TMEM51: variants seen among roughly 807,000 people sequenced by gnomAD.
TMEM51 encodes the protein chromosome 1 open reading frame 72.
TMEM51 carries 8 observed loss-of-function variants against 13.6 expected under a neutral mutation model. The observed-to-expected ratio is 0.59, with a 90% CI of 0.35 to 1.07. The LOEUF (loss-of-function observed/expected upper bound fraction) is 1.07, where lower values mean the gene tolerates loss of function less well. TMEM51 is among the 50% of genes least tolerant of loss of function. The pLI, the probability that TMEM51 is intolerant of heterozygous loss-of-function variation, is 0.02. For missense variants in TMEM51, 279 were observed against 330.7 expected, an observed-to-expected ratio of 0.84 and a Z score of 1.21; for synonymous variants, 147 against 144.4, an observed-to-expected ratio of 1.02 and a Z score of -0.13.
rs562352848 is a variant in TMEM51, at chr1:15,191,878, G to A, written c.-266-18612G>A. 105 of 522,154 alleles carry A rather than the reference G, an allele frequency of 2.0e-4. 2 individuals carry two copies. Among genetic ancestry groups the A allele is most frequent in the African/African-American group, 1.8e-3 (90 of 51,220 alleles). The allele number at this position is 522,154 out of a possible 1,614,324, so 32.3% of individuals were successfully genotyped here. On this transcript the variant is annotated intron_variant, in intron 1 of 3. Coordinates refer to ENST00000376008, the MANE Select transcript of TMEM51 (RefSeq NM_001136218.2). ...CAGAAAGCTACAGTAATTGACTTACGTGACCATTTCTCTTTTAGCACGTTG... is the reference window on the plus strand; with the variant it reads ...CAGAAAGCTACAGTAATTGACTTACATGACCATTTCTCTTTTAGCACGTTG...
chr1:15,183,479 TC>T (rs1643681172), intron 1 of TMEM51, among the ~76,000 whole-genome samples: 1 of 152,226 alleles, frequency 6.6e-6, no homozygotes, highest in Non-Finnish European at 1.5e-5. Flanking sequence ...AGGGAGATTA[TC>T]GTACATGGTA....
intron 1 of TMEM51, among the ~76,000 whole-genome samples, chr1:15,203,517 T>C (rs1163588341): frequency 1.3e-5 from 2 of 152,118 alleles, no homozygotes; most frequent in Non-Finnish European, 2.9e-5. Context: ...CGCATCGGCT[T>C]CCCAAGGTGT....
chr1:15,171,112 G>A, intron 1 of TMEM51: 9 of 404,828 alleles, frequency 2.2e-5, no homozygotes, highest in East Asian at 1.2e-4. Context: ...TCCACCCCCC[G>A]CCACATCCCC....
Position 15,219,879 on chromosome 1 carries a change from G to C in TMEM51, c.*136G>C, listed in dbSNP as rs575891841. ...GAGCCATTTGGATGGCGGCGGGCGG[G>C]GGGGGATTCTCTGTATCAGGAGTGA... On this transcript the variant is annotated 3_prime_UTR_variant, in exon 4 of 4. Transcript: ENST00000376008. 1.0e-4 allele frequency: 102 copies of C among 978,232 alleles called. No homozygotes were observed. In the African/African-American group the frequency reaches 1.3e-3, roughly 13 times the overall value. 60.6% of individuals were successfully genotyped at this position (978,232 alleles called of 1,614,324 possible).
intron 1 of TMEM51, among the ~76,000 whole-genome samples, chr1:15,199,879 A>C (rs1338805582): frequency 6.6e-6 from 1 of 152,108 alleles, no homozygotes. Flanking sequence ...TTCTCTGCGA[A>C]GTGGGGACCG....
intron 1 of TMEM51, among the ~76,000 whole-genome samples, chr1:15,157,535 A>C (rs1461128167): frequency 6.6e-6 from 1 of 152,064 alleles, no homozygotes; most frequent in Non-Finnish European, 1.5e-5. Flanking sequence ...ATTCTTGAAA[A>C]ACAAAACAGG....
intron 1 of TMEM51, among the ~76,000 whole-genome samples, chr1:15,196,535 C>T (rs1397371509): frequency 6.6e-6 from 1 of 152,084 alleles, no homozygotes; most frequent in Non-Finnish European, 1.5e-5. Context: ...GCACACACAG[C>T]AAGAGACAGG....
chr1:15,218,541 G>A (rs190259375), intron 3 of TMEM51, among the ~76,000 whole-genome samples: 6 of 152,248 alleles, frequency 3.9e-5, no homozygotes, highest in African/African-American at 1.4e-4. Flanking sequence ...TATAAATTGG[G>A]TATTATAATA....
At chr1:15,200,431 A>AAAAAAAG (rs1491142333) in intron 1 of TMEM51, among the ~76,000 whole-genome samples, 5 of 125,346 alleles carry the variant, frequency 4.0e-5, no homozygotes, top group East Asian at 2.1e-4. Context: ...AAAAAAAAAA[A>AAAAAAAG]AGAGAGAGAT....
chr1:15,195,125 G>A (rs1299091147), intron 1 of TMEM51, among the ~76,000 whole-genome samples: 1 of 151,522 alleles, frequency 6.6e-6, no homozygotes, highest in East Asian at 1.9e-4. Flanking sequence ...TAGAGATGGG[G>A]TTTCGTCATG....
intron 1 of TMEM51, among the ~76,000 whole-genome samples, chr1:15,204,325 G>A (rs568206905): frequency 8.5e-5 from 13 of 152,276 alleles, no homozygotes; most frequent in African/African-American, 1.2e-4. Flanking sequence ...AGGCCGAGGC[G>A]GACGGATCAC....
At position 15,196,480 on chromosome 1, in the gene TMEM51, G is replaced by GA. The variant is rs199735063; in HGVS notation, c.-266-14009dup. Among the ~76,000 whole-genome samples the GA allele has an allele frequency of 4.5e-3, 680 of 152,274 alleles. 9 individuals carry two copies. The highest frequency in any genetic ancestry group is 4.4e-3 in the Non-Finnish European group (299 of 68,040). ...AGCTAGTTTACCAGCATACCACTGT[G>GA]AGGGAGTATGTGGAGACTTTGTTTT... On this transcript the variant is annotated intron_variant, in intron 1 of 3. Transcript: ENST00000376008.
intron 1 of TMEM51, among the ~76,000 whole-genome samples, chr1:15,196,776 T>TGCA (rs1420928932): frequency 6.6e-6 from 1 of 152,248 alleles, no homozygotes; most frequent in African/African-American, 2.4e-5. Flanking sequence ...AACAAGTATG[T>TGCA]GCATTAAACA....
Position 15,192,824 on chromosome 1 carries a change from G to T in TMEM51, c.-266-17666G>T, listed in dbSNP as rs149243623. The T allele has an allele frequency of 4.3e-3, 730 of 170,774 alleles. 7 individuals carry two copies. Among genetic ancestry groups the T allele is most frequent in the African/African-American group, 0.016 (671 of 42,012 alleles). 10.6% of individuals were successfully genotyped at this position (170,774 alleles called of 1,614,324 possible). On this transcript the variant is annotated intron_variant, in intron 1 of 3. Coordinates refer to ENST00000376008, the MANE Select transcript of TMEM51 (RefSeq NM_001136218.2). ...CCTGCAGTCTATTCCATTTCTTACTGAATTCAACGGATTTCTGCCATCTCT... is the reference window on the plus strand; with the variant it reads ...CCTGCAGTCTATTCCATTTCTTACTTAATTCAACGGATTTCTGCCATCTCT...
intron 1 of TMEM51, among the ~76,000 whole-genome samples, chr1:15,158,094 G>A (rs961614202): frequency 2.0e-5 from 3 of 152,092 alleles, no homozygotes. Context: ...TGCCCAGCCC[G>A]TATCCTGGTT....
chr1:15,164,282 TG>T (rs1406444599), intron 1 of TMEM51: 1 of 441,790 alleles, frequency 2.3e-6, no homozygotes, highest in Non-Finnish European at 4.6e-6. Flanking sequence ...ACATTGCATT[TG>T]GTCATCTTGT....
intron 1 of TMEM51, chr1:15,168,776 G>A (rs1451958098): frequency 2.3e-6 from 3 of 1,301,210 alleles, no homozygotes; most frequent in Non-Finnish European, 3.0e-6. Context: ...GAGGGCTTCA[G>A]GCTGAAAAAT....
At chr1:15,189,213 C>CTTTTTTTTTTTT (rs59346950) in intron 1 of TMEM51, among the ~76,000 whole-genome samples, 34 of 92,850 alleles carry the variant, frequency 3.7e-4, no homozygotes, top group African/African-American at 1.2e-3. Context: ...CTAATTTTTC[C>CTTTTTTTTTTTT]TTTTTTTTTT....
intron 1 of TMEM51, among the ~76,000 whole-genome samples, 181 bp downstream of exon 1, chr1:15,154,135 C>T (rs1395883628): frequency 6.6e-6 from 1 of 152,078 alleles, no homozygotes; most frequent in Non-Finnish European, 1.5e-5. Flanking sequence ...CCTCTGCGGC[C>T]GCGCCCCGCC....
Sources: allele counts gnomAD v4.1 joint callset (sites outside exome capture counted in the v4.1 genomes callset), GRCh38; gene constraint gnomAD v4.1.1; transcripts MANE v1.5; gene names NCBI Gene and HGNC (gene_info 2026-07-23, HGNC 2026-07-21).